The following ZUP1 variants were observed in gnomAD, a reference collection of about 807,000 sequenced individuals.
The protein encoded by ZUP1 is zinc finger-containing ubiquitin peptidase 1.
A neutral mutation model predicts 68.1 loss-of-function variants in ZUP1; 55 were observed. The observed-to-expected ratio is 0.81, with a 90% CI of 0.65 to 1.01. ZUP1 has a LOEUF of 1.01. ZUP1 is among the 50% of genes least tolerant of loss of function. ZUP1 has a pLI of 0.00. For synonymous variants in ZUP1, 223 were observed against 221.5 expected, an observed-to-expected ratio of 1.01 and a Z score of -0.06; for missense variants, 684 against 674.9, an observed-to-expected ratio of 1.01 and a Z score of -0.15.
intron 9 of ZUP1, among the ~76,000 whole-genome samples, chr6:116,643,683 T>C (rs1307091424): frequency 6.6e-6 from 1 of 152,130 alleles, no homozygotes; most frequent in African/African-American, 2.4e-5. Flanking sequence ...ATACAAAAAT[T>C]AATTCATGAT....
In ZUP1 at chr6:116,658,872, C is replaced by G; in HGVS notation, c.723G>C (p.Gln241His). 2.5e-6 allele frequency: 4 copies of G among 1,612,260 alleles called. No individual in the cohort carries two copies. Among genetic ancestry groups the G allele is most frequent in the Non-Finnish European group, 2.5e-6 (3 of 1,179,382 alleles). Residue 241 changes from glutamine to histidine, a missense_variant, in exon 4 of 10, where the codon CAG becomes CAC. Gln to His is a conservative substitution (Grantham distance 24, BLOSUM62 0). Transcript: ENST00000368576. Reference protein sequence around the residue: ...SGDLQLAHQLQQEEDRKRRSE... With the variant: ...SGDLQLAHQLHQEEDRKRRSE... The stretch of plus-strand genomic sequence containing the variant: ...ATCTCCTCTTTCTGTCTTCTTCTTG[C>G]TGAAGCTGGTGAGCCAATTGTAGAT...
intron 2 of ZUP1, among the ~76,000 whole-genome samples, chr6:116,665,927 A>G (rs1776994814): frequency 6.6e-6 from 1 of 152,030 alleles, no homozygotes. Flanking sequence ...AGAAAAAGAC[A>G]TAAGATCCTA....
At chr6:116,661,333 C>CA (rs1385766434) in intron 2 of ZUP1, among the ~76,000 whole-genome samples, 1 of 150,222 alleles carries the variant, frequency 6.7e-6, no homozygotes, top group East Asian at 2.0e-4. Context: ...ATAGCACAAA[C>CA]CTCTCATACC....
intron 7 of ZUP1, among the ~76,000 whole-genome samples, chr6:116,650,844 G>C (rs1400775510): frequency 6.6e-6 from 1 of 152,088 alleles, no homozygotes; most frequent in Non-Finnish European, 1.5e-5. Flanking sequence ...GTGAAATTAT[G>C]ATGGGCTAAG....
intron 4 of ZUP1, among the ~76,000 whole-genome samples, chr6:116,658,371 G>A (rs1320740803): frequency 6.6e-6 from 1 of 152,128 alleles, no homozygotes; most frequent in Non-Finnish European, 1.5e-5. Flanking sequence ...TTAAGACTCA[G>A]GAGACATTAA....
intron 9 of ZUP1, among the ~76,000 whole-genome samples, chr6:116,636,421 C>T (rs1384765908): frequency 6.6e-6 from 1 of 150,986 alleles, no homozygotes; most frequent in East Asian, 2.0e-4. Context: ...AACTTTAAAA[C>T]TGCATATCAT....
intron 9 of ZUP1, among the ~76,000 whole-genome samples, chr6:116,637,445 A>ATTC (rs1775939034): frequency 6.6e-6 from 1 of 152,184 alleles, no homozygotes. Flanking sequence ...TATTATTATT[A>ATTC]TTCCTTTTCT....
Position 116,656,684 on chromosome 6 carries a change from C to A in ZUP1, c.961G>T (p.Gly321Ter). ...ATGACTCTGATGTTTAAATACTCAC[C>A]GGAAGTTTTTGTTTTTCCATCGTCA... ...GFDDGKTKTS[G>*]IIEALHRYYQ... Residue 321 changes from glycine (G) to a stop codon, truncating the protein, a stop_gained and splice_region_variant, in exon 5 of 10, where the codon GGA becomes TGA. Transcript: ENST00000368576. LOFTEE classifies it high-confidence loss of function. 1.9e-6 allele frequency: 3 copies of A among 1,607,542 alleles called. No homozygotes were observed. Among genetic ancestry groups the A allele is most frequent in the Non-Finnish European group, 2.5e-6 (3 of 1,177,668 alleles).
chr6:116,661,097 A>G (rs1351119399), intron 2 of ZUP1, among the ~76,000 whole-genome samples: 2 of 151,846 alleles, frequency 1.3e-5, no homozygotes, highest in Non-Finnish European at 1.5e-5. Context: ...GCTGGTCTCA[A>G]ACTCCTGGAC....
chr6:116,666,896 A>G lies in ZUP1; in HGVS notation c.297T>C (p.His99=), dbSNP rs1345670721. The change falls in exon 2 of 10, where the codon CAT becomes CAC. Residue 99 remains histidine, a synonymous_variant. Transcript: ENST00000368576. ...TCAGGTTTTGAGCTGAATTTTTTGG[A>G]TGATTAGATGCACAACCTGAAAGAA... The part of the protein sequence containing the change: ...SSILSGCASN[H]PKNSAQNLTK... The G allele has an allele frequency of 6.2e-7, 1 of 1,611,028 alleles. No homozygotes were observed. The highest frequency in any genetic ancestry group is 1.3e-5 in the African/African-American group (1 of 74,640).
At position 116,647,823 on chromosome 6, in the gene ZUP1, T is replaced by C. The variant is rs529934691; in HGVS notation, c.1317-213A>G. On this transcript the variant is annotated intron_variant, in intron 7 of 9. Coordinates refer to ENST00000368576, the MANE Select transcript of ZUP1 (RefSeq NM_145062.3). ...TATTTAACAATTCTCCCTATTTAAC[T>C]ATTTAACTATTCCTCTAACTAGCTA... Among the ~76,000 whole-genome samples the C allele has an allele frequency of 3.9e-5, 6 of 152,342 alleles. No individual in the cohort carries two copies. In the East Asian group the frequency reaches 1.2e-3, roughly 29 times the overall value.
At chr6:116,647,751 T>C in intron 7 of ZUP1, 141 bp from the exon 8 acceptor site, 9 of 622,594 alleles carry the variant, frequency 1.4e-5, no homozygotes, top group Non-Finnish European at 1.9e-5. Flanking sequence ...AAAGTAAATA[T>C]AAATTTTTAT....
chr6:116,667,625 G>A lies in ZUP1; in HGVS notation c.-15-418C>T, dbSNP rs987842968. Among the ~76,000 whole-genome samples, 12 of 152,174 alleles carry A rather than the reference G, an allele frequency of 7.9e-5. No individual in the cohort carries two copies. In the East Asian group the frequency reaches 2.3e-3, roughly 29 times the overall value. ...TAAATAAACACATCTTACAAGTAGA[G>A]TTTAACACTGTAAACTTAGAGTCTT... On this transcript the variant is annotated intron_variant, in intron 1 of 9. Coordinates refer to ENST00000368576, the MANE Select transcript of ZUP1 (RefSeq NM_145062.3).
At chr6:116,639,743 C>T (rs1776030446) in intron 9 of ZUP1, among the ~76,000 whole-genome samples, 2 of 152,206 alleles carry the variant, frequency 1.3e-5, no homozygotes, top group African/African-American at 4.8e-5. Flanking sequence ...GGGGAAAAAA[C>T]AGAGCAGAAA....
intron 2 of ZUP1, among the ~76,000 whole-genome samples, chr6:116,663,435 G>A (rs367708241): frequency 4.0e-5 from 6 of 151,870 alleles, no homozygotes; most frequent in Non-Finnish European, 7.4e-5. Context: ...TTTTTTAACC[G>A]CAACTAAACA....
chr6:116,647,886 C>T (rs771141824), intron 7 of ZUP1, among the ~76,000 whole-genome samples: 2 of 152,072 alleles, frequency 1.3e-5, no homozygotes, highest in Non-Finnish European at 2.9e-5. Context: ...TGCTGACTAA[C>T]CTAAAGGTTA....
At chr6:116,644,104 G>A (rs891361052) in intron 9 of ZUP1, among the ~76,000 whole-genome samples, 5 of 152,132 alleles carry the variant, frequency 3.3e-5, no homozygotes, top group Non-Finnish European at 5.9e-5. Flanking sequence ...ATCATCACTG[G>A]CCATCAGAGA....
chr6:116,648,113 A>C (rs926663656), intron 7 of ZUP1, among the ~76,000 whole-genome samples: 1 of 152,194 alleles, frequency 6.6e-6, no homozygotes, highest in African/African-American at 2.4e-5. Flanking sequence ...AATCTCTATA[A>C]CAGAAAATAC....
At position 116,658,887 on chromosome 6, in the gene ZUP1, C is replaced by T. The variant is rs1419724626; in HGVS notation, c.708G>A (p.Leu236=). 3 of 1,611,966 alleles carry T rather than the reference C, an allele frequency of 1.9e-6. No homozygotes were observed. The East Asian group carries it at 6.7e-5, about 36-fold the overall frequency. Residue 236 remains leucine (L), a synonymous_variant, in exon 4 of 10, where the codon TTG becomes TTA. Transcript: ENST00000368576. ...CTTCTTCTTGCTGAAGCTGGTGAGCCAATTGTAGATCACCAGAACACTGGA... is the reference window on the plus strand; with the variant it reads ...CTTCTTCTTGCTGAAGCTGGTGAGCTAATTGTAGATCACCAGAACACTGGA... The part of the protein sequence containing the change: ...DRVQCSGDLQ[L]AHQLQQEEDR...
Sources: allele counts gnomAD v4.1 joint callset (sites outside exome capture counted in the v4.1 genomes callset), GRCh38; gene constraint gnomAD v4.1.1; transcripts MANE v1.5; gene names NCBI Gene and HGNC (gene_info 2026-07-23, HGNC 2026-07-21).